Variants in DNAJB6 observed in about 807,000 individuals in gnomAD.
DNAJB6 encodes the protein DnaJ heat shock protein family (Hsp40) member B6.
A neutral mutation model predicts 42.7 loss-of-function variants in DNAJB6; 16 were observed. The observed-to-expected ratio is 0.37, with a 90% CI of 0.25 to 0.57. The LOEUF (loss-of-function observed/expected upper bound fraction) is 0.57, where lower values mean the gene tolerates loss of function less well. Among genes scored for constraint, DNAJB6 ranks in the 20% least tolerant of loss-of-function variants. The probability of loss-of-function intolerance (pLI) is 0.74; values close to 1 mark genes in which losing one functional copy is unlikely to be tolerated. For missense variants in DNAJB6, 347 were observed against 416.8 expected, an observed-to-expected ratio of 0.83 and a Z score of 1.46; for synonymous variants, 170 against 163.5, an observed-to-expected ratio of 1.04 and a Z score of -0.30.
chr7:157,352,864 G>A (rs149510444), intron 1 of DNAJB6, among the ~76,000 whole-genome samples: 12 of 152,164 alleles, frequency 7.9e-5, no homozygotes, highest in South Asian at 2.1e-4. Flanking sequence ...GCTTGTTTAC[G>A]ATAAACACCC....
intron 8 of DNAJB6, among the ~76,000 whole-genome samples, chr7:157,407,658 C>T (rs1016254202): frequency 1.3e-5 from 2 of 152,134 alleles, no homozygotes; most frequent in Non-Finnish European, 2.9e-5. Flanking sequence ...GCTGGGATGG[C>T]CCAGGGTGCA....
At chr7:157,372,410 G>A (rs3802094) in intron 5 of DNAJB6, among the ~76,000 whole-genome samples, 83,362 of 152,108 alleles carry the variant, frequency 0.55, 23,180 homozygotes, top group East Asian at 0.75. Context: ...AGAGGAGCTC[G>A]GCGAGGAGTG....
intron 5 of DNAJB6, among the ~76,000 whole-genome samples, chr7:157,369,911 GCC>G (rs1175904109): frequency 1.3e-5 from 2 of 148,336 alleles, no homozygotes; most frequent in African/African-American, 5.0e-5. Flanking sequence ...TATTAAACAG[GCC>G]CCTTCTTAAC....
chr7:157,365,668 AT>A (rs1554457692), intron 3 of DNAJB6, among the ~76,000 whole-genome samples: 9 of 151,408 alleles, frequency 5.9e-5, no homozygotes, highest in South Asian at 2.1e-4. Context: ...AAAGAAAAAA[AT>A]TTTTTTTTGC....
rs1304354409 is a variant in DNAJB6, at chr7:157,337,067, G to C, written c.-104G>C. 1 of 152,568 alleles carries C rather than the reference G, an allele frequency of 6.6e-6. No homozygotes were observed. The highest frequency in any genetic ancestry group is 6.5e-5 in the Admixed American group (1 of 15,284). The allele number at this position is 152,568 out of a possible 1,614,324, so 9.5% of individuals were successfully genotyped here. A position where few individuals can be genotyped will look rare whatever the true frequency, so the allele number is the denominator to read the frequency against. On this transcript the variant is annotated 5_prime_UTR_variant, in exon 1 of 10. Coordinates refer to ENST00000262177, the MANE Select transcript of DNAJB6 (RefSeq NM_058246.4). ...AGGAGCCGCCGCCACCACCAGCGCAGCAGTCCTGGAGCTGTGAGGAGATTC... is the reference window on the plus strand; with the variant it reads ...AGGAGCCGCCGCCACCACCAGCGCACCAGTCCTGGAGCTGTGAGGAGATTC...
rs78084094 is a variant in DNAJB6 at position 157,416,495 on chromosome 7, G to A, written c.*397G>A. ...TTCATGAAATGAGGCTTTCTGTGGC[G>A]GCGTAGTGTTTGGAATTAGAAGGTA... is the stretch of plus-strand genomic sequence containing the variant. On this transcript the variant is annotated 3_prime_UTR_variant, in exon 10 of 10. Coordinates refer to ENST00000262177, the MANE Select transcript of DNAJB6 (RefSeq NM_058246.4). The A allele has an allele frequency of 1.2e-3, 224 of 190,090 alleles. No individual in the cohort carries two copies. The highest frequency in any genetic ancestry group is 4.9e-3 in the African/African-American group (210 of 43,194). The allele number at this position is 190,090 out of a possible 1,614,324, so 11.8% of individuals were successfully genotyped here.
chr7:157,407,746 C>T (rs138156333), intron 8 of DNAJB6, among the ~76,000 whole-genome samples: 211 of 152,302 alleles, frequency 1.4e-3, no homozygotes, highest in African/African-American at 4.8e-3. Context: ...CTGGAAGCCA[C>T]GTTGCCACAC....
At chr7:157,359,368 A>G (rs1193287556) in intron 2 of DNAJB6, among the ~76,000 whole-genome samples, 2 of 152,186 alleles carry the variant, frequency 1.3e-5, no homozygotes, top group African/African-American at 4.8e-5. Flanking sequence ...CAAATAGTTC[A>G]TTTTGCTTAA....
chr7:157,357,338 G>A (rs1240780985), intron 1 of DNAJB6, among the ~76,000 whole-genome samples: 1 of 135,524 alleles, frequency 7.4e-6, no homozygotes, highest in Admixed American at 7.8e-5. Flanking sequence ...TCCGTCGCCC[G>A]GGCTGGAGTC....
chr7:157,404,252 G>C (rs1795660924), intron 8 of DNAJB6, among the ~76,000 whole-genome samples: 1 of 151,150 alleles, frequency 6.6e-6, no homozygotes, highest in Non-Finnish European at 1.5e-5. Flanking sequence ...GGGATGACAG[G>C]TGTGAGCTGC....
chr7:157,362,612 G>C (rs1370741286), intron 2 of DNAJB6, among the ~76,000 whole-genome samples: 1 of 152,056 alleles, frequency 6.6e-6, no homozygotes, highest in East Asian at 1.9e-4. Flanking sequence ...GACCTCAGGT[G>C]ATCTGCCCAC....
chr7:157,340,461 T>C (rs1391666986), intron 1 of DNAJB6, among the ~76,000 whole-genome samples: 1 of 151,768 alleles, frequency 6.6e-6, no homozygotes, highest in Non-Finnish European at 1.5e-5. Context: ...AACAAGAATA[T>C]GTTAGAAACG....
chr7:157,403,509 C>T (rs544257008), intron 8 of DNAJB6, among the ~76,000 whole-genome samples: 2 of 152,276 alleles, frequency 1.3e-5, no homozygotes, highest in Non-Finnish European at 2.9e-5. Context: ...TCCTGCTGCC[C>T]AAGCTGGAGT....
chr7:157,376,733 T>C (rs1046081286), intron 5 of DNAJB6, among the ~76,000 whole-genome samples: 2 of 152,084 alleles, frequency 1.3e-5, no homozygotes, highest in East Asian at 1.9e-4. Flanking sequence ...ATAAAAAAAT[T>C]AGCCAGGCGG....
At chr7:157,412,046 T>G (rs902321093) in intron 9 of DNAJB6, 1 of 152,242 alleles carries the variant, frequency 6.6e-6, no homozygotes, top group Non-Finnish European at 1.5e-5. Flanking sequence ...TTTTAATCGC[T>G]TCATGAGATC....
chr7:157,400,347 C>T (rs1801800915), intron 8 of DNAJB6, among the ~76,000 whole-genome samples: 1 of 152,236 alleles, frequency 6.6e-6, no homozygotes. Context: ...TGCCTGGGTC[C>T]CCGCGCCTTC....
chr7:157,369,906 AACAGGCCCCT>A (rs1357074006), intron 5 of DNAJB6, among the ~76,000 whole-genome samples: 4 of 151,118 alleles, frequency 2.6e-5, no homozygotes, highest in African/African-American at 9.7e-5. Flanking sequence ...ATTATTATTA[AACAGGCCCCT>A]TCTTAACATT....
intron 9 of DNAJB6, 68 bp from the exon 10 acceptor site, chr7:157,415,948 A>G: frequency 6.2e-7 from 1 of 1,605,532 alleles, no homozygotes; most frequent in South Asian, 1.1e-5. Flanking sequence ...TATTTAGAAA[A>G]CATGTTTGGC....
At chr7:157,401,588 C>T (rs1236245937) in intron 8 of DNAJB6, among the ~76,000 whole-genome samples, 1 of 152,104 alleles carries the variant, frequency 6.6e-6, no homozygotes, top group Non-Finnish European at 1.5e-5. Flanking sequence ...TTTTTAAAAG[C>T]GAATGTAGAT....
Sources: gnomAD v4.1 joint callset for allele counts (sites outside exome capture counted in the v4.1 genomes callset) on GRCh38, gnomAD v4.1.1 for gene constraint, MANE v1.5 for transcripts, NCBI Gene and HGNC (gene_info 2026-07-23, HGNC 2026-07-21) for gene names.